KHDRBS2: variants seen among roughly 807,000 people sequenced by gnomAD.
The protein encoded by KHDRBS2 is KH domain-containing, RNA-binding, signal transduction-associated protein 2.
KHDRBS2 carries 26 observed loss-of-function variants against 44.3 expected under a neutral mutation model. The ratio of observed to expected loss-of-function variants is 0.59; its 90% confidence interval spans 0.43 to 0.81. The LOEUF (loss-of-function observed/expected upper bound fraction) is 0.81, where lower values mean the gene tolerates loss of function less well. KHDRBS2 is among the 40% of genes least tolerant of loss of function. The pLI, the probability that KHDRBS2 is intolerant of heterozygous loss-of-function variation, is 0.00. For synonymous variants in KHDRBS2, 194 were observed against 151.1 expected (o/e 1.28, Z -2.08); for missense variants, 476 against 433.1 (o/e 1.10, Z -0.88).
chr6:61,978,310 TTTCCATAATTTGC>T, intron 3 of KHDRBS2, 98 bp from the exon 4 acceptor site: 1 of 875,926 alleles, frequency 1.1e-6, no homozygotes, highest in Middle Eastern at 2.4e-4. Context: ...TTAAGCAAAT[TTTCCATAATTTGC>T]TTCCATAATT....
intron 6 of KHDRBS2, among the ~76,000 whole-genome samples, chr6:61,796,244 T>C (rs1189194324): frequency 6.6e-6 from 1 of 152,050 alleles, no homozygotes; most frequent in Non-Finnish European, 1.5e-5. Context: ...TTGAAACATG[T>C]TATTTAACTC....
chr6:62,130,679 T>C (rs1018580912), intron 2 of KHDRBS2, among the ~76,000 whole-genome samples: 1 of 151,978 alleles, frequency 6.6e-6, no homozygotes, highest in African/African-American at 2.4e-5. Flanking sequence ...AAGTTGAAAA[T>C]ATTAAGTAGA....
rs544820996 is a variant in KHDRBS2 at position 62,225,717 on chromosome 6, G to C, written c.92-48405C>G. On this transcript the variant is annotated intron_variant, in intron 1 of 8. Coordinates refer to ENST00000281156, the MANE Select transcript of KHDRBS2 (RefSeq NM_152688.4). ...CCCCACCCCCAACTGGCCCCCATGT[G>C]TGTTTTTCCTCTCCCTTTGTCCATG... 2.0e-5 allele frequency among the ~76,000 whole-genome samples: 3 copies of C among 150,064 alleles called. No individual in the cohort carries two copies. In the South Asian group the frequency reaches 6.4e-4, roughly 32 times the overall value.
the KHDRBS2 span, among the ~76,000 whole-genome samples, chr6:61,639,566 C>T: frequency 2.4e-4 from 36 of 152,026 alleles, no homozygotes; most frequent in Non-Finnish European, 8.8e-5. Flanking sequence ...CCAAACCATA[C>T]TTCTGCTTTT....
the KHDRBS2 span, among the ~76,000 whole-genome samples, chr6:61,573,991 C>T: frequency 6.6e-6 from 1 of 152,112 alleles, no homozygotes; most frequent in Non-Finnish European, 1.5e-5. Flanking sequence ...CAAATACTTA[C>T]AGCCAACTGA....
chr6:61,765,055 A>T (rs1779808683), intron 6 of KHDRBS2, among the ~76,000 whole-genome samples: 1 of 152,236 alleles, frequency 6.6e-6, no homozygotes. Flanking sequence ...AAATTACGAA[A>T]GTCACTTCTC....
At chr6:61,972,023 A>C (rs947995990) in intron 4 of KHDRBS2, among the ~76,000 whole-genome samples, 16 of 152,146 alleles carry the variant, frequency 1.1e-4, no homozygotes, top group African/African-American at 3.4e-4. Context: ...ACCTATTTCC[A>C]ATTCTTATCT....
intron 1 of KHDRBS2, among the ~76,000 whole-genome samples, chr6:62,192,765 C>G (rs967716692): frequency 6.6e-6 from 1 of 152,084 alleles, no homozygotes; most frequent in African/African-American, 2.4e-5. Flanking sequence ...TTCATTCACT[C>G]AGCACATGTT....
chr6:61,592,817 A>T, the KHDRBS2 span, among the ~76,000 whole-genome samples: 12 of 152,292 alleles, frequency 7.9e-5, no homozygotes, highest in African/African-American at 2.2e-4. Context: ...AGCATGGATT[A>T]GGACCAGCAG....
chr6:61,624,014 T>C, the KHDRBS2 span, among the ~76,000 whole-genome samples: 1 of 152,092 alleles, frequency 6.6e-6, no homozygotes, highest in Non-Finnish European at 1.5e-5. Flanking sequence ...TAGAAGCCAA[T>C]GGCCTAACAC....
intron 4 of KHDRBS2, among the ~76,000 whole-genome samples, chr6:61,950,056 TA>T (rs1216538036): frequency 2.0e-5 from 3 of 152,052 alleles, no homozygotes; most frequent in Admixed American, 1.3e-4. Flanking sequence ...AAAAGCCTAG[TA>T]ACAGAATCAA....
At chr6:62,265,822 C>T (rs530582172) in intron 1 of KHDRBS2, among the ~76,000 whole-genome samples, 168 of 152,116 alleles carry the variant, frequency 1.1e-3, no homozygotes, top group African/African-American at 3.9e-3. Context: ...TCCCAAACTA[C>T]CAGCTATTTC....
chr6:62,165,705 C>T lies in KHDRBS2; in HGVS notation c.219+11480G>A, dbSNP rs557866877. Among the ~76,000 whole-genome samples, 5 of 151,844 alleles carry T rather than the reference C, an allele frequency of 3.3e-5. 1 individual carries two copies. In the South Asian group the frequency reaches 6.2e-4, roughly 19 times the overall value. ...TTTTAACTATAATAAATATATATCA[C>T]TGTCATTATTATTTTTAGAGACAGG... is the stretch of plus-strand genomic sequence containing the variant. On this transcript the variant is annotated intron_variant, in intron 2 of 8. Transcript: ENST00000281156.
At chr6:61,995,661 G>A (rs1281709554) in intron 3 of KHDRBS2, among the ~76,000 whole-genome samples, 2 of 152,154 alleles carry the variant, frequency 1.3e-5, no homozygotes, top group Non-Finnish European at 2.9e-5. Flanking sequence ...TGAATGTGGG[G>A]ACTCTGTAGT....
At chr6:62,240,099 T>G (rs1026041803) in intron 1 of KHDRBS2, among the ~76,000 whole-genome samples, 10 of 152,182 alleles carry the variant, frequency 6.6e-5, no homozygotes, top group African/African-American at 2.2e-4. Flanking sequence ...GCTCCTATTA[T>G]TAACATATAA....
Position 62,229,676 on chromosome 6 carries a change from C to T in KHDRBS2, c.92-52364G>A, listed in dbSNP as rs554954154. Among the ~76,000 whole-genome samples the T allele has an allele frequency of 1.9e-4, 29 of 152,254 alleles. No homozygotes were observed. In the South Asian group the frequency reaches 4.4e-3, roughly 23 times the overall value. On this transcript the variant is annotated intron_variant, in intron 1 of 8. Coordinates refer to ENST00000281156, the MANE Select transcript of KHDRBS2 (RefSeq NM_152688.4). Reference sequence around the variant, plus strand: ...TTCCAATTCGTGGGTTTCACAATTCCGTGGAAAAAGCATGTTTCCCCAAGC... The same window carrying T: ...TTCCAATTCGTGGGTTTCACAATTCTGTGGAAAAAGCATGTTTCCCCAAGC...
At chr6:61,722,333 G>T (rs866339451) in intron 7 of KHDRBS2, among the ~76,000 whole-genome samples, 3 of 152,204 alleles carry the variant, frequency 2.0e-5, no homozygotes, top group African/African-American at 7.2e-5. Context: ...TCCTGAACTA[G>T]CAATACCTTG....
chr6:61,580,873 G>A, the KHDRBS2 span, among the ~76,000 whole-genome samples: 1 of 152,166 alleles, frequency 6.6e-6, no homozygotes, highest in Non-Finnish European at 1.5e-5. Flanking sequence ...CTTCCTTCTT[G>A]AAGTCAGCAA....
chr6:61,918,183 C>T (rs1333803455), intron 4 of KHDRBS2, among the ~76,000 whole-genome samples: 2 of 151,970 alleles, frequency 1.3e-5, no homozygotes, highest in African/African-American at 4.8e-5. Context: ...CATCTTTATA[C>T]CATTTAAGTT....
Sources: allele counts gnomAD v4.1 joint callset (sites outside exome capture counted in the v4.1 genomes callset), GRCh38; gene constraint gnomAD v4.1.1; transcripts MANE v1.5; gene names NCBI Gene and HGNC (gene_info 2026-07-23, HGNC 2026-07-21).